The following CA8 variants were observed in gnomAD, a reference collection of about 807,000 sequenced individuals.
CA8 encodes the protein carbonic anhydrase-related protein.
In CA8, 22 loss-of-function variants were observed where a neutral mutation model predicts 41.4. The ratio of observed to expected loss-of-function variants is 0.53; its 90% confidence interval spans 0.38 to 0.76. CA8 has a LOEUF of 0.76. CA8 is among the 30% of genes least tolerant of loss of function. The pLI is 0.00. For missense variants in CA8, 270 were observed against 352.8 expected (o/e 0.77, Z 1.88); for synonymous variants, 121 against 130.6 (o/e 0.93, Z 0.50).
chr8:60,227,032 C>CT (rs1807465417), intron 4 of CA8, 97 bp from the exon 5 acceptor site: 1 of 861,664 alleles, frequency 1.2e-6, no homozygotes, highest in Non-Finnish European at 2.0e-6. Flanking sequence ...TGGCTCATGC[C>CT]TGTAACCCCA....
In CA8 at chr8:60,237,449, T is replaced by A. The variant is rs111904188; in HGVS notation, c.418-5070A>T. 5.3e-3 allele frequency among the ~76,000 whole-genome samples: 802 copies of A among 152,344 alleles called. 6 individuals are homozygous for A. The highest frequency in any genetic ancestry group is 0.018 in the African/African-American group (732 of 41,576). ...GTATGTAAATGCCACTTACCATTTC[T>A]AAGGAGAGCAAGGGTCGGCCGCATT... On this transcript the variant is annotated intron_variant, in intron 3 of 8. Transcript: ENST00000317995.
intron 8 of CA8, among the ~76,000 whole-genome samples, chr8:60,198,057 TAAG>T (rs956426854): frequency 1.3e-5 from 2 of 152,174 alleles, no homozygotes; most frequent in African/African-American, 4.8e-5. Context: ...CTACAAGAGA[TAAG>T]AAGGCAAAAG....
At chr8:60,191,826 C>A (rs113771626) in intron 8 of CA8, among the ~76,000 whole-genome samples, 1 of 152,082 alleles carries the variant, frequency 6.6e-6, no homozygotes, top group African/African-American at 2.4e-5. Context: ...TCTAATCATA[C>A]GAGGTCAGGT....
At chr8:60,248,096 G>GTC (rs1808313141) in intron 3 of CA8, among the ~76,000 whole-genome samples, 1 of 146,288 alleles carries the variant, frequency 6.8e-6, no homozygotes, top group African/African-American at 2.5e-5. Flanking sequence ...AGTTTTTGAT[G>GTC]TTTTTTTTTT....
chr8:60,210,602 GCTT>G (rs1783567765), intron 7 of CA8, among the ~76,000 whole-genome samples: 1 of 151,562 alleles, frequency 6.6e-6, no homozygotes, highest in Non-Finnish European at 1.5e-5. Context: ...CAGAAAGCCA[GCTT>G]CTTTTCTGTG....
chr8:60,260,087 A>C (rs1803681040), intron 3 of CA8, among the ~76,000 whole-genome samples: 1 of 152,180 alleles, frequency 6.6e-6, no homozygotes, highest in East Asian at 1.9e-4. Flanking sequence ...TGCAAATAAA[A>C]TTTCAAACTA....
intron 7 of CA8, among the ~76,000 whole-genome samples, chr8:60,210,671 T>C (rs1806804835): frequency 2.0e-5 from 3 of 152,090 alleles, no homozygotes; most frequent in African/African-American, 7.2e-5. Context: ...TATTTTTCCA[T>C]GTCACTGAAT....
chr8:60,264,321 C>T (rs1803830566), intron 3 of CA8, among the ~76,000 whole-genome samples: 3 of 152,230 alleles, frequency 2.0e-5, no homozygotes. Context: ...TTACTAGAGT[C>T]TGTCTTTGGG....
intron 3 of CA8, among the ~76,000 whole-genome samples, chr8:60,235,040 C>T (rs546371617): frequency 2.0e-5 from 3 of 152,194 alleles, no homozygotes; most frequent in Admixed American, 6.5e-5. Context: ...TCTGCACCTG[C>T]GCTGCCTCTC....
chr8:60,196,991 G>C (rs991913165), intron 8 of CA8, among the ~76,000 whole-genome samples: 1 of 152,112 alleles, frequency 6.6e-6, no homozygotes, highest in African/African-American at 2.4e-5. Flanking sequence ...TTTTTAATGA[G>C]ATTGGCAAGG....
rs77070861 is a variant in CA8, at chr8:60,189,192, G to T, written c.*829C>A. 9.2e-5 allele frequency: 14 copies of T among 152,066 alleles called. No individual in the cohort carries two copies. The highest frequency in any genetic ancestry group is 3.1e-4 in the African/African-American group (13 of 41,410). 9.4% of individuals were successfully genotyped at this position (152,066 alleles called of 1,614,324 possible). A position where few individuals can be genotyped will look rare whatever the true frequency, so the allele number is the denominator to read the frequency against. Reference sequence around the variant, plus strand: ...ATAAAATATTTAAGTCTTACAAAGCGTACGACACTAAAGTAATATAGGATA... The same window carrying T: ...ATAAAATATTTAAGTCTTACAAAGCTTACGACACTAAAGTAATATAGGATA... On this transcript the variant is annotated 3_prime_UTR_variant, in exon 9 of 9. Coordinates refer to ENST00000317995, the MANE Select transcript of CA8 (RefSeq NM_004056.6).
rs535043841 is a variant in CA8 at position 60,196,343 on chromosome 8, T to G, written c.*36-6358A>C. On this transcript the variant is annotated intron_variant, in intron 8 of 8. Transcript: ENST00000317995. ...ATAGCTCATGAAATCCTCACATCCC[T>G]GGGAGGTTATAACTCTTACTATATC... Among the ~76,000 whole-genome samples the G allele has an allele frequency of 4.6e-5, 7 of 152,254 alleles. No individual in the cohort carries two copies. The East Asian group carries it at 1.4e-3, about 29-fold the overall frequency.
At chr8:60,207,759 T>A (rs1224068594) in intron 8 of CA8, among the ~76,000 whole-genome samples, 1 of 152,196 alleles carries the variant, frequency 6.6e-6, no homozygotes, top group Non-Finnish European at 1.5e-5. Context: ...TTTTTTGTTT[T>A]GTTTCATTTT....
chr8:60,192,249 G>A (rs1666553466), intron 8 of CA8, among the ~76,000 whole-genome samples: 2 of 152,108 alleles, frequency 1.3e-5, no homozygotes, highest in African/African-American at 4.8e-5. Context: ...TTTGGAATGA[G>A]GGAGAACCAA....
intron 8 of CA8, among the ~76,000 whole-genome samples, chr8:60,205,397 A>G (rs1354514808): frequency 1.3e-5 from 2 of 152,338 alleles, no homozygotes; most frequent in Non-Finnish European, 2.9e-5. Flanking sequence ...AAATAATCAA[A>G]TAATCATTTT....
intron 3 of CA8, among the ~76,000 whole-genome samples, chr8:60,263,287 ACT>A (rs1006090558): frequency 2.0e-5 from 3 of 148,742 alleles, no homozygotes; most frequent in Non-Finnish European, 4.4e-5. Flanking sequence ...GTGCCACTGC[ACT>A]CTAGCCTGGG....
chr8:60,221,022 T>C (rs73683386), intron 7 of CA8, among the ~76,000 whole-genome samples: 257 of 152,336 alleles, frequency 1.7e-3, no homozygotes, highest in African/African-American at 6.0e-3. Context: ...TGTTGAATTT[T>C]ATGTGAGCAT....
At chr8:60,272,863 AATGAACACGT>A (rs1195684751) in intron 2 of CA8, among the ~76,000 whole-genome samples, 1 of 152,232 alleles carries the variant, frequency 6.6e-6, no homozygotes, top group South Asian at 2.1e-4. Context: ...AGAGGAAACC[AATGAACACGT>A]ATGTTTAGTT....
chr8:60,214,240 T>A (rs887358684), intron 7 of CA8, among the ~76,000 whole-genome samples: 3 of 152,242 alleles, frequency 2.0e-5, no homozygotes, highest in African/African-American at 7.2e-5. Flanking sequence ...CATTATTCAT[T>A]CGTCCTCATG....
Sources: gnomAD v4.1 joint callset for allele counts (sites outside exome capture counted in the v4.1 genomes callset) on GRCh38, gnomAD v4.1.1 for gene constraint, MANE v1.5 for transcripts, NCBI Gene and HGNC (gene_info 2026-07-23, HGNC 2026-07-21) for gene names.